Variants in PDE4D observed in about 807,000 individuals in gnomAD.
PDE4D encodes 3',5'-cyclic-AMP phosphodiesterase 4D.
Under a neutral mutation model 87.4 loss-of-function variants are expected in PDE4D, and 24 were observed. The ratio of observed to expected loss-of-function variants is 0.27; its 90% CI spans 0.20 to 0.39. PDE4D has a LOEUF of 0.39. Ranked by LOEUF, PDE4D falls within the 10% of genes least tolerant of loss-of-function variation. The pLI, the probability that PDE4D is intolerant of heterozygous loss-of-function variation, is 1.00. For missense variants in PDE4D, 714 were observed against 1,041.0 expected (o/e 0.69, Z 4.32); for synonymous variants, 384 against 383.2 (o/e 1.00, Z -0.02).
chr5:59,234,976 T>C (rs549693394), intron 1 of PDE4D, among the ~76,000 whole-genome samples: 10 of 152,302 alleles, frequency 6.6e-5, no homozygotes, highest in African/African-American at 2.4e-4. Context: ...TCTTAAAATA[T>C]GACTGTTTCA....
At chr5:59,267,801 G>A (rs1211498316) in intron 1 of PDE4D, among the ~76,000 whole-genome samples, 1 of 152,072 alleles carries the variant, frequency 6.6e-6, no homozygotes, top group Non-Finnish European at 1.5e-5. Context: ...GCAATCCTTG[G>A]TGTGCATACA....
intron 1 of PDE4D, among the ~76,000 whole-genome samples, chr5:59,847,229 C>G (rs1337141495): frequency 6.6e-6 from 1 of 152,004 alleles, no homozygotes; most frequent in Non-Finnish European, 1.5e-5. Context: ...TCTTCCTCCT[C>G]CTCCTTCTCT....
chr5:60,005,337 T>C (rs1764370998), intron 2 of PDE4D, among the ~76,000 whole-genome samples: 1 of 152,108 alleles, frequency 6.6e-6, no homozygotes, highest in Admixed American at 6.6e-5. Flanking sequence ...CACAGCATAC[T>C]AACTTTCAGT....
At chr5:60,336,815 T>G (rs571173613) in intron 1 of PDE4D, among the ~76,000 whole-genome samples, 1 of 152,294 alleles carries the variant, frequency 6.6e-6, no homozygotes, top group South Asian at 2.1e-4. Context: ...CCAGTGGGGT[T>G]GGGTTGGGTT....
rs1268885193 is a variant in PDE4D at position 60,078,203 on chromosome 5, T to C, written c.43-89486A>G. ...CAATCTCCCCTACCTTGAAAGTTTG[T>C]GTGTTTTAGGTTCTGTGGAGATAGG... is the stretch of plus-strand genomic sequence containing the variant. On this transcript the variant is annotated intron_variant, in intron 2 of 16. Coordinates refer to the PDE4D transcript ENST00000502484. Among the ~76,000 whole-genome samples, 3 of 152,156 alleles carry C rather than the reference T, an allele frequency of 2.0e-5. No homozygotes were observed. The South Asian group carries it at 6.2e-4, about 32-fold the overall frequency.
chr5:59,275,567 G>T, intron 1 of PDE4D: 1 of 1,413,114 alleles, frequency 7.1e-7, no homozygotes, highest in Admixed American at 2.8e-5. Flanking sequence ...TCCAGCTCAT[G>T]GGCAAGGTTC....
At chr5:60,168,749 G>A (rs571462336) in intron 2 of PDE4D, among the ~76,000 whole-genome samples, 1 of 152,150 alleles carries the variant, frequency 6.6e-6, no homozygotes, top group African/African-American at 2.4e-5. Flanking sequence ...AGGAAATAAT[G>A]ACAAGGAAAG....
At chr5:59,185,127 C>G in intron 4 of PDE4D, 62 bp downstream of exon 4, 2 of 1,316,120 alleles carry the variant, frequency 1.5e-6, no homozygotes, top group Admixed American at 1.8e-5. Flanking sequence ...TGGGCTCAAT[C>G]AAGTTGAGAA....
chr5:59,415,729 G>A (rs1363244819), intron 1 of PDE4D, among the ~76,000 whole-genome samples: 1 of 152,124 alleles, frequency 6.6e-6, no homozygotes, highest in Non-Finnish European at 1.5e-5. Context: ...AAAGTATGAG[G>A]AAAGAATGTT....
At chr5:59,873,381 C>A (rs187191551) in intron 1 of PDE4D, among the ~76,000 whole-genome samples, 2 of 152,132 alleles carry the variant, frequency 1.3e-5, no homozygotes, top group Admixed American at 6.6e-5. Context: ...GTTTGAACAG[C>A]GTAGAAAAGT....
At chr5:59,740,122 G>A (rs575785595) in intron 1 of PDE4D, among the ~76,000 whole-genome samples, 1 of 152,168 alleles carries the variant, frequency 6.6e-6, no homozygotes, top group Non-Finnish European at 1.5e-5. Context: ...TGCTGCTGGT[G>A]TCCTGAAACT....
chr5:59,559,638 T>C (rs899199870), intron 1 of PDE4D, among the ~76,000 whole-genome samples: 1 of 152,172 alleles, frequency 6.6e-6, no homozygotes, highest in African/African-American at 2.4e-5. Context: ...CTATAGCTAA[T>C]AGCTCATGAG....
chr5:60,391,361 A>T (rs1312620158), intron 1 of PDE4D, among the ~76,000 whole-genome samples: 2 of 152,114 alleles, frequency 1.3e-5, no homozygotes, highest in South Asian at 2.1e-4. Flanking sequence ...TTAACAAATT[A>T]CCATTAGTGG....
In PDE4D at chr5:59,668,817, AAGAAGAAGAAGAAGAGGAAGAGGAAGAGG is replaced by A. The variant is rs1561440756; in HGVS notation, c.455+224322_455+224350del. Among the ~76,000 whole-genome samples the A allele has an allele frequency of 7.0e-4, 64 of 91,786 alleles. 4 individuals are homozygous for A. The highest frequency in any genetic ancestry group is 3.6e-3 in the African/African-American group (63 of 17,604). The allele number at this position is 91,786 out of a possible 152,430, so 60.2% of individuals were successfully genotyped here. A position where few individuals can be genotyped will look rare whatever the true frequency, so the allele number is the denominator to read the frequency against. Reference sequence around the variant, plus strand: ...AAGAAGAAGAAGAAAGAAGAAGAAGAAGAAGAAGAAGAAGAGGAAGAGGAAGAGGAAGAAGAAGAAGAAGAAGAAGAAGA... The same window carrying A: ...AAGAAGAAGAAGAAAGAAGAAGAAGAAAGAAGAAGAAGAAGAAGAAGAAGA... On this transcript the variant is annotated intron_variant, in intron 1 of 14. Coordinates refer to ENST00000340635, the MANE Select transcript of PDE4D (RefSeq NM_001104631.2).
At chr5:59,391,360 T>C (rs1788204684) in intron 1 of PDE4D, among the ~76,000 whole-genome samples, 1 of 152,214 alleles carries the variant, frequency 6.6e-6, no homozygotes, top group Non-Finnish European at 1.5e-5. Context: ...AAAGTGTTGC[T>C]TTAAAATTCC....
Position 60,261,000 on chromosome 5 carries a change from C to T in PDE4D, c.-89-75313G>A, listed in dbSNP as rs566188525. Among the ~76,000 whole-genome samples the T allele has an allele frequency of 2.0e-5, 3 of 152,176 alleles. No individual in the cohort carries two copies. The East Asian group carries it at 5.8e-4, about 29-fold the overall frequency. ...CACCCAGAGACTGTCTCTCATTCTCCTTATTTTTCTCATATTTTGATCATT... is the reference window on the plus strand; with the variant it reads ...CACCCAGAGACTGTCTCTCATTCTCTTTATTTTTCTCATATTTTGATCATT... On this transcript the variant is annotated intron_variant, in intron 1 of 16. Transcript: ENST00000502484.
At chr5:60,031,472 G>A (rs1193054936) in intron 2 of PDE4D, among the ~76,000 whole-genome samples, 3 of 152,154 alleles carry the variant, frequency 2.0e-5, no homozygotes, top group Admixed American at 2.0e-4. Flanking sequence ...CAAGCATGCA[G>A]GCTGCTGCAG....
Position 59,951,686 on chromosome 5 carries a change from A to C in PDE4D, c.272+36802T>G, listed in dbSNP as rs921415078. On this transcript the variant is annotated intron_variant, in intron 3 of 16. Coordinates refer to the PDE4D transcript ENST00000502484. ...AAGTTTTTCTGAAAGCAGATGTAAC[A>C]GATGTAACCTAGATTTAGTAGGCCT... Among the ~76,000 whole-genome samples the C allele has an allele frequency of 5.3e-5, 8 of 152,188 alleles. No individual in the cohort carries two copies. In the East Asian group the frequency reaches 1.5e-3, roughly 29 times the overall value.
At chr5:59,547,287 C>T (rs1238749590) in intron 1 of PDE4D, among the ~76,000 whole-genome samples, 1 of 151,962 alleles carries the variant, frequency 6.6e-6, no homozygotes, top group Admixed American at 6.6e-5. Context: ...CTATGAACTT[C>T]TATCAGTTTT....
Sources: gnomAD v4.1 joint callset for allele counts (sites outside exome capture counted in the v4.1 genomes callset) on GRCh38, gnomAD v4.1.1 for gene constraint, MANE v1.5 for transcripts, NCBI Gene and HGNC (gene_info 2026-07-23, HGNC 2026-07-21) for gene names.